Variants in FA2H observed in about 807,000 individuals in gnomAD.
FA2H encodes fatty acid alpha-hydroxylase.
A neutral mutation model predicts 44.9 loss-of-function variants in FA2H; 22 were observed. The ratio of observed to expected loss-of-function variants is 0.49; its 90% CI spans 0.35 to 0.70. The LOEUF (loss-of-function observed/expected upper bound fraction) is 0.70, where lower values mean the gene tolerates loss of function less well. FA2H is among the 30% of genes least tolerant of loss of function. FA2H has a pLI of 0.01. For synonymous variants in FA2H, 243 were observed against 213.2 expected, an observed-to-expected ratio of 1.14 and a Z score of -1.22; for missense variants, 501 against 504.9, an observed-to-expected ratio of 0.99 and a Z score of 0.07.
At chr16:74,734,694 A>G (rs1962147007) in intron 2 of FA2H, among the ~76,000 whole-genome samples, 1 of 152,140 alleles carries the variant, frequency 6.6e-6, no homozygotes, top group Admixed American at 6.5e-5. Flanking sequence ...CCCCCTCCCC[A>G]GGACCCCTCC....
chr16:74,762,096 G>A (rs1207846914), intron 1 of FA2H, among the ~76,000 whole-genome samples: 3 of 152,166 alleles, frequency 2.0e-5, no homozygotes, highest in Non-Finnish European at 4.4e-5. Flanking sequence ...AGGCTGGAGT[G>A]CAGTGGCGTG....
In FA2H at chr16:74,713,084, A is replaced by G. The variant is rs1001709575; in HGVS notation, c.*1106T>C. The G allele has an allele frequency of 1.3e-5, 2 of 152,688 alleles. No individual in the cohort carries two copies. Among genetic ancestry groups the G allele is most frequent in the Admixed American group, 6.5e-5 (1 of 15,284 alleles). The allele number at this position is 152,688 out of a possible 1,614,324, so 9.5% of individuals were successfully genotyped here. A position where few individuals can be genotyped will look rare whatever the true frequency, so the allele number is the denominator to read the frequency against. On this transcript the variant is annotated 3_prime_UTR_variant, in exon 7 of 7. Transcript: ENST00000219368. ...TCCGCAGCAAACAGTACAAATCACA[A>G]GGTCCGTCAAACTGCTTCTCTTTAG...
intron 6 of FA2H, among the ~76,000 whole-genome samples, chr16:74,714,801 A>T (rs535954240): frequency 6.6e-6 from 1 of 151,934 alleles, no homozygotes; most frequent in African/African-American, 2.4e-5. Flanking sequence ...TAACATGTCA[A>T]TGTAAAAACT....
intron 2 of FA2H, among the ~76,000 whole-genome samples, chr16:74,729,812 C>A (rs1962038700): frequency 6.6e-6 from 1 of 151,842 alleles, no homozygotes; most frequent in Admixed American, 6.6e-5. Flanking sequence ...CTGGTGGGCC[C>A]CAATCTGCCA....
intron 2 of FA2H, among the ~76,000 whole-genome samples, chr16:74,736,539 C>G (rs1483296830): frequency 6.6e-6 from 1 of 152,150 alleles, no homozygotes; most frequent in African/African-American, 2.4e-5. Flanking sequence ...CTTTCCAGGC[C>G]CTGGGGACCC....
intron 1 of FA2H, among the ~76,000 whole-genome samples, chr16:74,753,833 A>C (rs1962569630): frequency 6.6e-6 from 1 of 152,222 alleles, no homozygotes; most frequent in African/African-American, 2.4e-5. Context: ...CAAAAAATAC[A>C]GATTTCTGAG....
At chr16:74,746,033 G>A (rs1299174494) in intron 1 of FA2H, among the ~76,000 whole-genome samples, 1 of 150,786 alleles carries the variant, frequency 6.6e-6, no homozygotes, top group Non-Finnish European at 1.5e-5. Flanking sequence ...TTTTGAACTC[G>A]TGAACTCAGG....
chr16:74,741,748 A>G (rs1057070738), intron 1 of FA2H, among the ~76,000 whole-genome samples: 4 of 141,842 alleles, frequency 2.8e-5, no homozygotes, highest in Non-Finnish European at 6.0e-5. Context: ...GGTGTGAGCC[A>G]CCGTGCTGGG....
chr16:74,747,463 A>T (rs1597561810), intron 1 of FA2H, among the ~76,000 whole-genome samples: 2 of 151,986 alleles, frequency 1.3e-5, no homozygotes, highest in Non-Finnish European at 2.9e-5. Flanking sequence ...TTGTGGGTTG[A>T]GCTATGCCAG....
chr16:74,746,737 C>T (rs1036955599), intron 1 of FA2H, among the ~76,000 whole-genome samples: 10 of 152,098 alleles, frequency 6.6e-5, no homozygotes, highest in Admixed American at 3.3e-4. Flanking sequence ...CAGAGACAGA[C>T]GAGAGCAGGG....
chr16:74,726,387 C>G (rs1436359953), intron 3 of FA2H, 56 bp from the exon 4 acceptor site: 3 of 1,088,338 alleles, frequency 2.8e-6, no homozygotes, highest in African/African-American at 2.6e-5. Context: ...TGACAGAGTA[C>G]AGCTTTCTTT....
chr16:74,720,180 C>CTTTTTTTTTTTTTTTTTTTTT lies in FA2H; in HGVS notation c.614-1041_614-1021dup, dbSNP rs56341013. The stretch of plus-strand genomic sequence containing the variant: ...TTTGCTCCATATATTCATCCTCATC[C>CTTTTTTTTTTTTTTTTTTTTT]TTTTTTTTTTTTTTTTTTTTTTTTT... On this transcript the variant is annotated intron_variant, in intron 4 of 6. Transcript: ENST00000219368. Among the ~76,000 whole-genome samples, 5 of 47,242 alleles carry CTTTTTTTTTTTTTTTTTTTTT rather than the reference C, an allele frequency of 1.1e-4. 1 individual carries two copies. Among genetic ancestry groups the CTTTTTTTTTTTTTTTTTTTTT allele is most frequent in the African/African-American group, 3.1e-4 (3 of 9,822 alleles). 31.0% of individuals were successfully genotyped at this position (47,242 alleles called of 152,430 possible).
intron 2 of FA2H, among the ~76,000 whole-genome samples, chr16:74,730,433 TC>T (rs1256457877): frequency 6.6e-6 from 1 of 152,142 alleles, no homozygotes; most frequent in Admixed American, 6.5e-5. Flanking sequence ...TAGTCGCTGC[TC>T]CCTTCCTTAC....
At chr16:74,739,630 G>A (rs970858549) in intron 2 of FA2H, among the ~76,000 whole-genome samples, 13 of 152,174 alleles carry the variant, frequency 8.5e-5, no homozygotes, top group African/African-American at 1.2e-4. Flanking sequence ...GGCCAATGTC[G>A]CTTCCACATG....
intron 4 of FA2H, among the ~76,000 whole-genome samples, chr16:74,722,379 TAA>T (rs1961859487): frequency 6.6e-6 from 1 of 150,870 alleles, no homozygotes; most frequent in Non-Finnish European, 1.5e-5. Flanking sequence ...CAACAAAAAG[TAA>T]AAAAATTAGC....
At chr16:74,773,083 CCAGGCTGGT>C (rs1962937496) in intron 1 of FA2H, among the ~76,000 whole-genome samples, 1 of 152,066 alleles carries the variant, frequency 6.6e-6, no homozygotes, top group Admixed American at 6.6e-5. Context: ...CCTATGTTGC[CCAGGCTGGT>C]CTTGAACTCC....
intron 1 of FA2H, among the ~76,000 whole-genome samples, chr16:74,764,077 G>A (rs1160603067): frequency 2.0e-5 from 3 of 152,166 alleles, no homozygotes; most frequent in Non-Finnish European, 4.4e-5. Flanking sequence ...AGTGTTGCTA[G>A]CATCAAGTTT....
chr16:74,737,625 G>A (rs1567641439), intron 2 of FA2H, among the ~76,000 whole-genome samples: 1 of 152,080 alleles, frequency 6.6e-6, no homozygotes, highest in Non-Finnish European at 1.5e-5. Context: ...ACCTTCTAGG[G>A]CCAGGGAAAC....
At chr16:74,715,974 C>T (rs1298250996) in intron 6 of FA2H, among the ~76,000 whole-genome samples, 3 of 152,096 alleles carry the variant, frequency 2.0e-5, no homozygotes, top group African/African-American at 4.8e-5. Flanking sequence ...CACAACCACA[C>T]CCCGCTAATT....
Sources: gnomAD v4.1 joint callset for allele counts (sites outside exome capture counted in the v4.1 genomes callset) on GRCh38, gnomAD v4.1.1 for gene constraint, MANE v1.5 for transcripts, NCBI Gene and HGNC (gene_info 2026-07-23, HGNC 2026-07-21) for gene names.